The following LDB2 variants were observed in gnomAD, a reference collection of about 807,000 sequenced individuals.
The protein encoded by LDB2 is LIM domain binding 2.
In LDB2, 12 loss-of-function variants were observed where a neutral mutation model predicts 44.3. That is an observed-to-expected ratio of 0.27 (90% CI 0.17 to 0.44). The LOEUF (loss-of-function observed/expected upper bound fraction) is 0.44, where lower values mean the gene tolerates loss of function less well. Ranked by LOEUF, LDB2 falls within the 20% of genes least tolerant of loss-of-function variation. The probability of loss-of-function intolerance (pLI) is 1.00; values close to 1 mark genes in which losing one functional copy is unlikely to be tolerated. For missense variants in LDB2, 344 were observed against 473.5 expected, an observed-to-expected ratio of 0.73 and a Z score of 2.54; for synonymous variants, 164 against 174.8, an observed-to-expected ratio of 0.94 and a Z score of 0.49.
Position 16,591,198 on chromosome 4 carries a change from C to T in LDB2, c.409-2366G>A, listed in dbSNP as rs1207253830. On this transcript the variant is annotated intron_variant, in intron 3 of 7. Transcript: ENST00000304523. ...TTGTTTTGCATTTATGAACCACAAA[C>T]GCAGGGCAGGTGAAGGGTCTGGTTT... Among the ~76,000 whole-genome samples the T allele has an allele frequency of 2.0e-5, 3 of 152,120 alleles. No individual in the cohort carries two copies. In the South Asian group the frequency reaches 6.2e-4, roughly 32 times the overall value.
At chr4:16,617,650 C>A (rs1291757683) in intron 2 of LDB2, among the ~76,000 whole-genome samples, 6 of 152,182 alleles carry the variant, frequency 3.9e-5, no homozygotes, top group Admixed American at 2.0e-4. Flanking sequence ...TTCCTAAGAG[C>A]TACACATGGA....
chr4:16,841,875 T>G (rs1383015864), intron 1 of LDB2, among the ~76,000 whole-genome samples: 1 of 152,144 alleles, frequency 6.6e-6, no homozygotes, highest in African/African-American at 2.4e-5. Flanking sequence ...CAGACCACTT[T>G]CAAATTAAAT....
intron 7 of LDB2, 152 bp downstream of exon 7, chr4:16,508,383 C>G: frequency 1.6e-6 from 1 of 615,770 alleles, no homozygotes; most frequent in Non-Finnish European, 2.5e-6. Flanking sequence ...TCCCTCCCAT[C>G]CCAACCTCTG....
chr4:16,656,492 C>T (rs1208721952), intron 2 of LDB2, among the ~76,000 whole-genome samples: 1 of 152,192 alleles, frequency 6.6e-6, no homozygotes, highest in African/African-American at 2.4e-5. Flanking sequence ...TGACTAGTGC[C>T]ACTGAGGAAC....
At chr4:16,832,416 T>A (rs1482350174) in intron 1 of LDB2, among the ~76,000 whole-genome samples, 1 of 152,210 alleles carries the variant, frequency 6.6e-6, no homozygotes, top group African/African-American at 2.4e-5. Flanking sequence ...AAAAATACCT[T>A]TGATATTGTT....
chr4:16,517,169 T>G (rs1724064178), intron 5 of LDB2, among the ~76,000 whole-genome samples: 1 of 152,154 alleles, frequency 6.6e-6, no homozygotes, highest in African/African-American at 2.4e-5. Flanking sequence ...TCTGAGACCC[T>G]CAAGAGAATC....
chr4:16,678,889 T>C (rs997641557), intron 2 of LDB2, among the ~76,000 whole-genome samples: 3 of 152,212 alleles, frequency 2.0e-5, no homozygotes, highest in African/African-American at 7.2e-5. Context: ...AAGAAAATTT[T>C]CTATTTCTAC....
rs1201297327 is a variant in LDB2, at chr4:16,502,325, AAG to A, written c.*316_*317del. On this transcript the variant is annotated 3_prime_UTR_variant, in exon 8 of 8. Coordinates refer to ENST00000304523, the MANE Select transcript of LDB2 (RefSeq NM_001290.5). Reference sequence around the variant, plus strand: ...ATATGGCCTTCGTTTGATGCATAAAAAGGAAATTCAACACAAACACGTTGTTA... The same window carrying A: ...ATATGGCCTTCGTTTGATGCATAAAAGAAATTCAACACAAACACGTTGTTA... 6.4e-6 allele frequency: 2 copies of A among 311,906 alleles called. No homozygotes were observed. The highest frequency in any genetic ancestry group is 4.2e-5 in the African/African-American group (2 of 48,010). The allele number at this position is 311,906 out of a possible 1,614,324, so 19.3% of individuals were successfully genotyped here.
intron 1 of LDB2, among the ~76,000 whole-genome samples, chr4:16,791,358 C>A (rs531356917): frequency 4.8e-4 from 73 of 151,946 alleles, no homozygotes; most frequent in Middle Eastern, 3.4e-3. Context: ...AGTTCGAGAC[C>A]AGCCTGGCCA....
chr4:16,830,194 T>C (rs1783811616), intron 1 of LDB2, among the ~76,000 whole-genome samples: 1 of 152,128 alleles, frequency 6.6e-6, no homozygotes, highest in Non-Finnish European at 1.5e-5. Flanking sequence ...CCAAACCTCA[T>C]CTCCAATTGT....
rs375877862 is a variant in LDB2 at position 16,859,122 on chromosome 4, G to A, written c.132+39232C>T. 1.9e-4 allele frequency among the ~76,000 whole-genome samples: 29 copies of A among 152,302 alleles called. 1 individual carries two copies. In the East Asian group the frequency reaches 5.4e-3, roughly 28 times the overall value. On this transcript the variant is annotated intron_variant, in intron 1 of 7. Transcript: ENST00000304523. Reference sequence around the variant, plus strand: ...CAACAGTTAATATTCCCATTTTACAGATAAGGAAACTGAGCTAAGAAACGT... The same window carrying A: ...CAACAGTTAATATTCCCATTTTACAAATAAGGAAACTGAGCTAAGAAACGT...
chr4:16,742,284 A>G (rs931717695), intron 2 of LDB2, among the ~76,000 whole-genome samples: 1 of 152,108 alleles, frequency 6.6e-6, no homozygotes, highest in East Asian at 1.9e-4. Context: ...GTTGGCCAGG[A>G]TGGTCTTGAA....
intron 2 of LDB2, among the ~76,000 whole-genome samples, chr4:16,689,465 A>G (rs930816751): frequency 1.3e-5 from 2 of 152,232 alleles, no homozygotes; most frequent in South Asian, 4.1e-4. Flanking sequence ...ACAGTTATGC[A>G]TATTTAACAG....
intron 2 of LDB2, among the ~76,000 whole-genome samples, chr4:16,645,223 A>G (rs1736370915): frequency 6.6e-6 from 1 of 152,200 alleles, no homozygotes; most frequent in Non-Finnish European, 1.5e-5. Flanking sequence ...TTCCTTTTAC[A>G]ATAGCTGTAG....
At chr4:16,603,056 G>A (rs1722980435) in intron 2 of LDB2, among the ~76,000 whole-genome samples, 1 of 152,078 alleles carries the variant, frequency 6.6e-6, no homozygotes, top group South Asian at 2.1e-4. Flanking sequence ...GGTTATTTTG[G>A]ATCTTGATTC....
intron 5 of LDB2, among the ~76,000 whole-genome samples, chr4:16,573,162 G>T (rs151302471): frequency 6.6e-6 from 1 of 152,322 alleles, no homozygotes; most frequent in East Asian, 1.9e-4. Context: ...GTGTAAAAAT[G>T]GGGATAATGA....
intron 1 of LDB2, among the ~76,000 whole-genome samples, chr4:16,847,788 T>C (rs1317328114): frequency 6.6e-6 from 1 of 152,188 alleles, no homozygotes; most frequent in African/African-American, 2.4e-5. Flanking sequence ...AGCTAATTTT[T>C]TGTATTTTTT....
At chr4:16,535,215 G>A (rs1297522726) in intron 5 of LDB2, among the ~76,000 whole-genome samples, 1 of 152,168 alleles carries the variant, frequency 6.6e-6, no homozygotes, top group Non-Finnish European at 1.5e-5. Context: ...CTCACAGGCA[G>A]GAGAGACCCT....
At chr4:16,755,375 G>A (rs73799268) in intron 2 of LDB2, among the ~76,000 whole-genome samples, 2,356 of 152,116 alleles carry the variant, frequency 0.015, 33 homozygotes, top group African/African-American at 0.037. Flanking sequence ...TCAGATAAAG[G>A]ACAGTAATTA....
Sources: gnomAD v4.1 joint callset for allele counts (sites outside exome capture counted in the v4.1 genomes callset) on GRCh38, gnomAD v4.1.1 for gene constraint, MANE v1.5 for transcripts, NCBI Gene and HGNC (gene_info 2026-07-23, HGNC 2026-07-21) for gene names.